CHST8: variants seen among roughly 807,000 people sequenced by gnomAD.
CHST8 encodes the protein carbohydrate sulfotransferase 8.
In CHST8, 10 loss-of-function variants were observed where a neutral mutation model predicts 15.0. That is an observed-to-expected ratio of 0.67 (90% CI 0.41 to 1.13). The LOEUF (loss-of-function observed/expected upper bound fraction) is 1.13, where lower values mean the gene tolerates loss of function less well. Among genes scored for constraint, CHST8 ranks in the 50% most tolerant of loss-of-function variants. The pLI is 0.00. For missense variants in CHST8, 634 were observed against 608.2 expected (o/e 1.04, Z -0.45); for synonymous variants, 259 against 256.6 (o/e 1.01, Z -0.09).
rs572536640 is a variant in CHST8 at position 33,759,905 on chromosome 19, C to G, written c.131-11508C>G. 3.3e-5 allele frequency among the ~76,000 whole-genome samples: 5 copies of G among 152,280 alleles called. No individual in the cohort carries two copies. The East Asian group carries it at 9.7e-4, about 30-fold the overall frequency. ...AAATCTGCCATGATGGGATTTCAGA[C>G]CACGGAAATCAGCAAACACTGCAAA... On this transcript the variant is annotated intron_variant, in intron 3 of 4. Coordinates refer to ENST00000650847, the MANE Select transcript of CHST8 (RefSeq NM_001127895.2).
chr19:33,749,885 C>T (rs368212289), intron 3 of CHST8, among the ~76,000 whole-genome samples: 9 of 152,314 alleles, frequency 5.9e-5, no homozygotes, highest in Admixed American at 1.3e-4. Context: ...TGAAAGGGTC[C>T]GGGTCGTGGC....
intron 3 of CHST8, among the ~76,000 whole-genome samples, chr19:33,733,771 A>T (rs1324733577): frequency 6.6e-6 from 1 of 152,232 alleles, no homozygotes; most frequent in South Asian, 2.1e-4. Context: ...CCGAAAGAAC[A>T]TGCAACATAA....
chr19:33,674,982 C>T (rs1280714674), intron 2 of CHST8, among the ~76,000 whole-genome samples: 1 of 152,236 alleles, frequency 6.6e-6, no homozygotes, highest in Non-Finnish European at 1.5e-5. Context: ...ATGTCTACAG[C>T]ATGTGCTCAC....
rs532906599 is a variant in CHST8 at position 33,731,007 on chromosome 19, G to A, written c.131-40406G>A. 6.6e-5 allele frequency among the ~76,000 whole-genome samples: 10 copies of A among 152,336 alleles called. No homozygotes were observed. The South Asian group carries it at 1.9e-3, about 28-fold the overall frequency. On this transcript the variant is annotated intron_variant, in intron 3 of 4. Coordinates refer to ENST00000650847, the MANE Select transcript of CHST8 (RefSeq NM_001127895.2). ...AAGTTCTGCCTGCTTTATTCTAGCC[G>A]TGCTTGCAACTGATTAGATGGTGCC... is the stretch of plus-strand genomic sequence containing the variant.
intron 3 of CHST8, among the ~76,000 whole-genome samples, chr19:33,705,952 A>T (rs1973437550): frequency 6.6e-6 from 1 of 152,146 alleles, no homozygotes; most frequent in Admixed American, 6.5e-5. Context: ...TGTACCAGGC[A>T]CTGTGTTTTA....
At chr19:33,637,365 C>A (rs1972218300) in intron 1 of CHST8, among the ~76,000 whole-genome samples, 1 of 151,806 alleles carries the variant, frequency 6.6e-6, no homozygotes, top group African/African-American at 2.4e-5. Flanking sequence ...ACAGAAGGAT[C>A]CCTGTGGGGT....
intron 2 of CHST8, among the ~76,000 whole-genome samples, chr19:33,680,259 A>G (rs1972867943): frequency 6.6e-6 from 1 of 152,252 alleles, no homozygotes; most frequent in Admixed American, 6.5e-5. Context: ...ACGTTAACAA[A>G]TAATGATAAA....
Position 33,773,118 on chromosome 19 carries a change from G to T in CHST8, c.*55G>T. The T allele has an allele frequency of 6.6e-7, 1 of 1,516,158 alleles. No homozygotes were observed. The highest frequency in any genetic ancestry group is 8.8e-7 in the Non-Finnish European group (1 of 1,134,840). 93.9% of individuals were successfully genotyped at this position (1,516,158 alleles called of 1,614,324 possible). On this transcript the variant is annotated 3_prime_UTR_variant, in exon 5 of 5. Coordinates refer to ENST00000650847, the MANE Select transcript of CHST8 (RefSeq NM_001127895.2). ...GCCCCGGTCACTCACCTGTGCTCCC[G>T]GGCATCCTCCTGTCCCTGGCTCCTC...
intron 2 of CHST8, among the ~76,000 whole-genome samples, chr19:33,670,369 G>T (rs982092165): frequency 6.6e-6 from 1 of 152,170 alleles, no homozygotes; most frequent in Non-Finnish European, 1.5e-5. Flanking sequence ...AATCATCTGA[G>T]AAAAGACCAA....
At chr19:33,719,379 G>A (rs1181541395) in intron 3 of CHST8, among the ~76,000 whole-genome samples, 1 of 152,150 alleles carries the variant, frequency 6.6e-6, no homozygotes, top group Non-Finnish European at 1.5e-5. Context: ...CTGGGGAGAT[G>A]GGGACTGGGT....
At chr19:33,752,347 G>A (rs1974437463) in intron 3 of CHST8, among the ~76,000 whole-genome samples, 1 of 152,230 alleles carries the variant, frequency 6.6e-6, no homozygotes, top group African/African-American at 2.4e-5. Flanking sequence ...AAGAGGCTTA[G>A]TCTTCTTTAT....
chr19:33,630,645 C>T (rs1463646384), intron 1 of CHST8, among the ~76,000 whole-genome samples: 2 of 151,710 alleles, frequency 1.3e-5, no homozygotes, highest in Non-Finnish European at 2.9e-5. Flanking sequence ...AGCAGTCCGT[C>T]TACGATGACG....
intron 3 of CHST8, among the ~76,000 whole-genome samples, chr19:33,701,410 AC>A (rs1973334530): frequency 6.6e-6 from 1 of 152,234 alleles, no homozygotes; most frequent in African/African-American, 2.4e-5. Flanking sequence ...AACAGGAATC[AC>A]CTAATTAAAT....
chr19:33,665,964 G>T (rs1230372934), intron 1 of CHST8, among the ~76,000 whole-genome samples: 1 of 152,242 alleles, frequency 6.6e-6, no homozygotes, highest in Non-Finnish European at 1.5e-5. Context: ...TGTCTCTGCA[G>T]CTGGAGGCCG....
intron 3 of CHST8, among the ~76,000 whole-genome samples, chr19:33,742,095 C>T (rs2145341887): frequency 6.6e-6 from 1 of 152,308 alleles, no homozygotes; most frequent in South Asian, 2.1e-4. Context: ...TGAGTGTTCT[C>T]CTTCCCCAAG....
rs573778183 is a variant in CHST8 at position 33,755,432 on chromosome 19, G to A, written c.131-15981G>A. 3.3e-5 allele frequency among the ~76,000 whole-genome samples: 5 copies of A among 152,306 alleles called. No homozygotes were observed. In the South Asian group the frequency reaches 1.0e-3, roughly 32 times the overall value. On this transcript the variant is annotated intron_variant, in intron 3 of 4. Transcript: ENST00000650847. ...AAATCAAGTCATTAGAAGGAATGAC[G>A]TTTAATCCTGGGGAAGATGCTGTGG...
chr19:33,714,686 T>C (rs1455356934), intron 3 of CHST8, among the ~76,000 whole-genome samples: 6 of 152,312 alleles, frequency 3.9e-5, no homozygotes, highest in Admixed American at 6.5e-5. Context: ...TGGGAGGTGA[T>C]TGAATCATGG....
chr19:33,705,678 G>A (rs868482163), intron 3 of CHST8, among the ~76,000 whole-genome samples: 3 of 152,100 alleles, frequency 2.0e-5, no homozygotes, highest in Non-Finnish European at 4.4e-5. Flanking sequence ...ACAGTGATGG[G>A]GTGTGGCAGG....
chr19:33,707,802 A>C (rs904417563), intron 3 of CHST8, among the ~76,000 whole-genome samples: 4 of 152,128 alleles, frequency 2.6e-5, no homozygotes, highest in Non-Finnish European at 4.4e-5. Flanking sequence ...TGTAATAGTA[A>C]ATTTACGTTA....
Sources: allele counts gnomAD v4.1 joint callset (sites outside exome capture counted in the v4.1 genomes callset), GRCh38; gene constraint gnomAD v4.1.1; transcripts MANE v1.5; gene names NCBI Gene and HGNC (gene_info 2026-07-23, HGNC 2026-07-21).